VEZT: variants seen among roughly 807,000 people sequenced by gnomAD.
VEZT encodes vezatin, adherens junctions transmembrane protein, also known as vezatin.
A neutral mutation model predicts 79.9 loss-of-function variants in VEZT; 39 were observed. That is an observed-to-expected ratio of 0.49 (90% CI 0.38 to 0.64). The LOEUF is 0.64. Among genes scored for constraint, VEZT ranks in the 30% least tolerant of loss-of-function variants. The pLI, the probability that VEZT is intolerant of heterozygous loss-of-function variation, is 0.00. For synonymous variants in VEZT, 325 were observed against 327.6 expected, an observed-to-expected ratio of 0.99 and a Z score of 0.09; for missense variants, 837 against 893.1, an observed-to-expected ratio of 0.94 and a Z score of 0.80.
intron 1 of VEZT, among the ~76,000 whole-genome samples, chr12:95,219,972 A>T (rs1172553998): frequency 6.6e-6 from 1 of 152,134 alleles, no homozygotes; most frequent in East Asian, 1.9e-4. Flanking sequence ...GACTTGCGTG[A>T]GTTCTTCATA....
chr12:95,300,602 G>T lies in VEZT; in HGVS notation c.2269G>T (p.Glu757Ter). Residue 757 changes from glutamate (E) to a stop codon, truncating the protein, a stop_gained, in exon 12 of 12, where the codon GAA becomes TAA. Coordinates refer to ENST00000436874, the MANE Select transcript of VEZT (RefSeq NM_017599.4). LOFTEE classifies it high-confidence loss of function. ...ATCTCTCTCCTTTACCACCATGCAGGAACAGACTTTTGGTGGTGAGGAGGA... is the reference window on the plus strand; with the variant it reads ...ATCTCTCTCCTTTACCACCATGCAGTAACAGACTTTTGGTGGTGAGGAGGA... ...ARSLSFTTMQEQTFGGEEEEQ... is the reference protein window; with the variant it reads ...ARSLSFTTMQ The T allele has an allele frequency of 6.2e-7, 1 of 1,612,482 alleles. No individual in the cohort carries two copies. Among genetic ancestry groups the T allele is most frequent in the Non-Finnish European group, 8.5e-7 (1 of 1,179,052 alleles).
At chr12:95,243,105 G>T (rs986809630) in intron 1 of VEZT, among the ~76,000 whole-genome samples, 1 of 152,052 alleles carries the variant, frequency 6.6e-6, no homozygotes, top group South Asian at 2.1e-4. Flanking sequence ...AGGCCTGGTG[G>T]CTTATGCCTG....
In VEZT at chr12:95,251,946, C is replaced by T. The variant is rs369909426; in HGVS notation, c.43C>T (p.Pro15Ser). The change falls in exon 2 of 12, where the codon CCA becomes TCA. Residue 15 changes from proline to serine, a missense_variant. Transcript: ENST00000436874. Reference sequence around the variant, plus strand: ...TATTTTGTGTCTTTTTCAGAATTCTCCACTTTACCAATACTTACAGGATCT... The same window carrying T: ...TATTTTGTGTCTTTTTCAGAATTCTTCACTTTACCAATACTTACAGGATCT... ...FDEEVVFENS[P>S]LYQYLQDLGH... is the part of the protein sequence containing the mutation. 6.3e-7 allele frequency: 1 copy of T among 1,598,858 alleles called. No individual in the cohort carries two copies. The highest frequency in any genetic ancestry group is 8.5e-7 in the Non-Finnish European group (1 of 1,175,268).
At chr12:95,291,164 G>C (rs1472651390) in intron 9 of VEZT, among the ~76,000 whole-genome samples, 1 of 152,150 alleles carries the variant, frequency 6.6e-6, no homozygotes, top group Admixed American at 6.5e-5. Context: ...CCAGGAGGTC[G>C]AGGCTTCAGT....
intron 2 of VEZT, among the ~76,000 whole-genome samples, chr12:95,254,611 T>C (rs2063173369): frequency 6.6e-6 from 1 of 152,172 alleles, no homozygotes; most frequent in Admixed American, 6.5e-5. Context: ...CCTAAACTGC[T>C]GAGATTACAG....
In VEZT at chr12:95,286,437, C is replaced by A. The variant is rs547379297; in HGVS notation, c.1329-1227C>A. ...CATCTGAATCCTTCCATTTCATGAG[C>A]AACATCAATTCTTCACTGCCATCTG... is the stretch of plus-strand genomic sequence containing the variant. On this transcript the variant is annotated intron_variant, in intron 8 of 11. Transcript: ENST00000436874. 1.1e-4 allele frequency: 59 copies of A among 539,880 alleles called. 1 individual carries two copies. The highest frequency in any genetic ancestry group is 1.1e-3 in the African/African-American group (55 of 51,816). 33.4% of individuals were successfully genotyped at this position (539,880 alleles called of 1,614,324 possible).
chr12:95,227,350 T>A (rs2136687974), intron 1 of VEZT, among the ~76,000 whole-genome samples: 1 of 150,746 alleles, frequency 6.6e-6, no homozygotes, highest in South Asian at 2.1e-4. Flanking sequence ...TTTTTTTTTT[T>A]TTGAGATGGA....
Position 95,274,752 on chromosome 12 carries a change from A to G in VEZT, c.859A>G (p.Asn287Asp). The change falls in exon 7 of 12, where the codon AAC becomes GAC. Residue 287 changes from asparagine to aspartate, a missense_variant. Transcript: ENST00000436874. ...TLYMLKNYPL[N>D]SESDNVTNYI... The stretch of plus-strand genomic sequence containing the variant: ...TTAACCTAATTTAACCTACCCCCTG[A>G]ACTCTGAGAGTGACAATGTAACCAA... 1 of 1,612,192 alleles carries G rather than the reference A, an allele frequency of 6.2e-7. No individual in the cohort carries two copies. Among genetic ancestry groups the G allele is most frequent in the Non-Finnish European group, 8.5e-7 (1 of 1,179,276 alleles).
chr12:95,269,324 C>T (rs1484895668), intron 5 of VEZT, among the ~76,000 whole-genome samples: 1 of 152,148 alleles, frequency 6.6e-6, no homozygotes, highest in Non-Finnish European at 1.5e-5. Flanking sequence ...AAATGTGCTT[C>T]CTCTTGAACA....
At chr12:95,291,169 T>G (rs2072680946) in intron 9 of VEZT, among the ~76,000 whole-genome samples, 1 of 152,158 alleles carries the variant, frequency 6.6e-6, no homozygotes, top group Non-Finnish European at 1.5e-5. Flanking sequence ...AGGTCGAGGC[T>G]TCAGTGAGCC....
chr12:95,295,966 A>T (rs1368037093), intron 10 of VEZT, 85 bp from the exon 11 acceptor site: 26 of 1,021,646 alleles, frequency 2.5e-5, no homozygotes, highest in Non-Finnish European at 3.2e-5. Context: ...TTTTAATCTC[A>T]GAGATAAGTA....
intron 8 of VEZT, among the ~76,000 whole-genome samples, chr12:95,285,982 CTTTTTTTTTTT>C (rs869030351): frequency 1.2e-5 from 1 of 85,832 alleles, no homozygotes. Context: ...CCGACCCCTT[CTTTTTTTTTTT>C]TTTTTTTTTT....
chr12:95,293,619 A>G (rs953845852), intron 9 of VEZT: 1 of 152,174 alleles, frequency 6.6e-6, no homozygotes, highest in Non-Finnish European at 1.5e-5. Flanking sequence ...TATTTTGTGA[A>G]GAAGAGTGAT....
Position 95,266,386 on chromosome 12 carries a change from G to C in VEZT, c.464G>C (p.Ser155Thr). ...CTCTCAATGCTATTTGCCTTCATTA[G>C]CTTGCTCGTTATGCTTCCCACTTGG... is the stretch of plus-strand genomic sequence containing the variant. ...WDLSMLFAFI[S>T]LLVMLPTWWI... Residue 155 changes from serine (S) to threonine (T), a missense_variant, in exon 5 of 12, where the codon AGC becomes ACC. By Grantham distance (58) the Ser-to-Thr change is moderately conservative. Transcript: ENST00000436874. 1 of 1,613,326 alleles carries C rather than the reference G, an allele frequency of 6.2e-7. No individual in the cohort carries two copies. The highest frequency in any genetic ancestry group is 8.5e-7 in the Non-Finnish European group (1 of 1,179,630).
chr12:95,280,441 C>G (rs1189032444), intron 7 of VEZT, among the ~76,000 whole-genome samples: 1 of 148,574 alleles, frequency 6.7e-6, no homozygotes, highest in African/African-American at 2.5e-5. Flanking sequence ...TTCGCGCTTT[C>G]TGTCTCTCTC....
In VEZT at chr12:95,221,679, T is replaced by TAA. The variant is rs368598048; in HGVS notation, c.36+3804_36+3805dup. 5.9e-3 allele frequency among the ~76,000 whole-genome samples: 845 copies of TAA among 143,218 alleles called. 37 individuals carry two copies. The East Asian group carries it at 0.14, about 23-fold the overall frequency. The allele number at this position is 143,218 out of a possible 152,430, so 94.0% of individuals were successfully genotyped here. The stretch of plus-strand genomic sequence containing the variant: ...TCAACATTAACAAAACCCTGCATAT[T>TAA]AAAAAAAAAAAAGAAAAAAATTAAC... On this transcript the variant is annotated intron_variant, in intron 1 of 11. Coordinates refer to ENST00000436874, the MANE Select transcript of VEZT (RefSeq NM_017599.4).
In VEZT at chr12:95,292,814, T is replaced by TGGAA. The variant is rs1368129103; in HGVS notation, c.1523-1457_1523-1454dup. Among the ~76,000 whole-genome samples, 3 of 150,034 alleles carry TGGAA rather than the reference T, an allele frequency of 2.0e-5. No individual in the cohort carries two copies. The East Asian group carries it at 5.9e-4, about 29-fold the overall frequency. On this transcript the variant is annotated intron_variant, in intron 9 of 11. Transcript: ENST00000436874. ...CACCCACCTTAGCCTCCCAAAGTGC[T>TGGAA]GGAATTACAGGTGTGAGCCACTGTA...
chr12:95,290,575 C>T (rs1030585915), intron 9 of VEZT: 1 of 152,138 alleles, frequency 6.6e-6, no homozygotes, highest in East Asian at 1.9e-4. Context: ...TTATGAGGTA[C>T]TCTTAAGTTG....
chr12:95,243,873 C>T (rs1466510254), intron 1 of VEZT: 1 of 435,310 alleles, frequency 2.3e-6, no homozygotes, highest in Non-Finnish European at 4.6e-6. Context: ...AAAGTAAGGA[C>T]TTTCTTAGGG....
Sources: gnomAD v4.1 joint callset for allele counts (sites outside exome capture counted in the v4.1 genomes callset) on GRCh38, gnomAD v4.1.1 for gene constraint, MANE v1.5 for transcripts, NCBI Gene and HGNC (gene_info 2026-07-23, HGNC 2026-07-21) for gene names.